Variants in CMSS1 observed in about 807,000 individuals in gnomAD.
The protein encoded by CMSS1 is cms1 ribosomal small subunit homolog.
In CMSS1, 33 loss-of-function variants were observed where a neutral mutation model predicts 43.5. The ratio of observed to expected loss-of-function variants is 0.76; its 90% CI spans 0.57 to 1.01. The LOEUF (loss-of-function observed/expected upper bound fraction) is 1.01. CMSS1 is among the 50% of genes least tolerant of loss of function. The pLI, the probability that CMSS1 is intolerant of heterozygous loss-of-function variation, is 0.00. For missense variants in CMSS1, 313 were observed against 326.4 expected, an observed-to-expected ratio of 0.96 and a Z score of 0.32; for synonymous variants, 115 against 117.2, an observed-to-expected ratio of 0.98 and a Z score of 0.12.
intron 1 of CMSS1, among the ~76,000 whole-genome samples, chr3:99,824,314 T>C (rs150713645): frequency 6.5e-4 from 99 of 152,312 alleles, no homozygotes; most frequent in African/African-American, 2.2e-3. Flanking sequence ...ACTATCTAGG[T>C]GCTCTATTAC....
At chr3:99,892,111 T>C (rs994094269) in intron 1 of CMSS1, among the ~76,000 whole-genome samples, 3 of 152,186 alleles carry the variant, frequency 2.0e-5, no homozygotes, top group Admixed American at 6.5e-5. Flanking sequence ...CTGTGAGAAA[T>C]AGAATATCAC....
chr3:99,962,557 T>TA (rs1324189259), intron 1 of CMSS1, among the ~76,000 whole-genome samples: 1 of 152,204 alleles, frequency 6.6e-6, no homozygotes, highest in Non-Finnish European at 1.5e-5. Context: ...GAAGAGATAA[T>TA]ATTGTTTTAA....
intron 1 of CMSS1, among the ~76,000 whole-genome samples, chr3:100,018,748 A>T (rs1270953956): frequency 1.3e-5 from 2 of 152,142 alleles, no homozygotes; most frequent in African/African-American, 4.8e-5. Flanking sequence ...AAAAAAAAAA[A>T]AAAATCAACA....
intron 1 of CMSS1, among the ~76,000 whole-genome samples, chr3:99,944,771 G>A (rs1477098594): frequency 2.6e-5 from 4 of 152,170 alleles, no homozygotes; most frequent in Non-Finnish European, 5.9e-5. Context: ...AGACATCTCA[G>A]CAATTATGGT....
At chr3:99,978,752 A>G (rs1709038808) in intron 1 of CMSS1, among the ~76,000 whole-genome samples, 2 of 152,166 alleles carry the variant, frequency 1.3e-5, no homozygotes, top group Admixed American at 6.5e-5. Flanking sequence ...AAAATTAACC[A>G]GGCAGGACTG....
chr3:99,917,017 C>T (rs768915810), intron 1 of CMSS1, among the ~76,000 whole-genome samples: 1 of 152,158 alleles, frequency 6.6e-6, no homozygotes, highest in Non-Finnish European at 1.5e-5. Flanking sequence ...TTTAGTGGCT[C>T]TTATTCCTCT....
chr3:100,046,712 A>C (rs1037273661), intron 1 of CMSS1, among the ~76,000 whole-genome samples: 4 of 152,196 alleles, frequency 2.6e-5, no homozygotes, highest in African/African-American at 9.7e-5. Flanking sequence ...CGCTGACAGA[A>C]GTGAGAAAAA....
chr3:100,176,461 G>C, intron 9 of CMSS1, 46 bp downstream of exon 9: 1 of 1,309,774 alleles, frequency 7.6e-7, no homozygotes. Flanking sequence ...TTCTCTATTT[G>C]AACTTGGTTC....
intron 1 of CMSS1, among the ~76,000 whole-genome samples, chr3:99,913,316 C>T (rs1022314701): frequency 6.6e-6 from 1 of 152,216 alleles, no homozygotes; most frequent in African/African-American, 2.4e-5. Context: ...TACATTACTA[C>T]ACAGCAGCAT....
chr3:100,111,178 GT>G lies in CMSS1; in HGVS notation c.65-35794del, dbSNP rs537263750. ...AAGGGCCAGAAGGAAGAACTCTAGG[GT>G]AAGGACCTAGAAGGGCAATGGAGGC... On this transcript the variant is annotated intron_variant, in intron 1 of 9. Transcript: ENST00000421999. 1.4e-3 allele frequency among the ~76,000 whole-genome samples: 215 copies of G among 152,222 alleles called. 1 individual carries two copies. Among genetic ancestry groups the G allele is most frequent in the African/African-American group, 5.1e-3 (210 of 41,554 alleles).
At chr3:99,822,941 A>G (rs1253519762) in intron 1 of CMSS1, among the ~76,000 whole-genome samples, 1 of 152,174 alleles carries the variant, frequency 6.6e-6, no homozygotes, top group Non-Finnish European at 1.5e-5. Context: ...ACTTAATACT[A>G]TTTAATTTAA....
intron 1 of CMSS1, among the ~76,000 whole-genome samples, chr3:99,917,450 A>C (rs1706988958): frequency 6.6e-6 from 1 of 152,208 alleles, no homozygotes; most frequent in Admixed American, 6.5e-5. Flanking sequence ...ATATATTGTC[A>C]GGAGAGCTGG....
intron 1 of CMSS1, among the ~76,000 whole-genome samples, chr3:100,117,858 T>C (rs377247519): frequency 0.26 from 26,404 of 103,048 alleles, 3,439 homozygotes; most frequent in South Asian, 0.33. Context: ...TATATACATA[T>C]ATATATATAT....
At chr3:99,976,919 C>T (rs1559710956) in intron 1 of CMSS1, among the ~76,000 whole-genome samples, 1 of 152,120 alleles carries the variant, frequency 6.6e-6, no homozygotes, top group Non-Finnish European at 1.5e-5. Context: ...TGATGTAGGT[C>T]CAAGGAGAAG....
At chr3:100,137,526 T>C (rs1331246818) in intron 1 of CMSS1, among the ~76,000 whole-genome samples, 1 of 152,022 alleles carries the variant, frequency 6.6e-6, no homozygotes, top group Non-Finnish European at 1.5e-5. Context: ...ACCCCAATAA[T>C]TGATAGATAA....
chr3:99,872,311 G>GTGTGTGTGTGTGTT (rs1944836437), intron 1 of CMSS1, among the ~76,000 whole-genome samples: 1 of 150,144 alleles, frequency 6.7e-6, no homozygotes, highest in Admixed American at 6.6e-5. Context: ...GTGTGTGTGT[G>GTGTGTGTGTGTGTT]TGTGTGTGTG....
chr3:99,987,700 C>T (rs1213304191), intron 1 of CMSS1, among the ~76,000 whole-genome samples: 2 of 152,176 alleles, frequency 1.3e-5, no homozygotes, highest in African/African-American at 2.4e-5. Flanking sequence ...TAGTTTAGCA[C>T]AGTCCCAAGA....
rs142608416 is a variant in CMSS1 at position 99,835,322 on chromosome 3, A to G, written c.64+17279A>G. On this transcript the variant is annotated intron_variant, in intron 1 of 9. Transcript: ENST00000421999. ...TCTTTTTTAGAGTTCACCCAGAGAC[A>G]TTATCTGTTCTTTCCTGTTTTCATG... Among the ~76,000 whole-genome samples the G allele has an allele frequency of 4.3e-3, 659 of 152,276 alleles. 6 individuals are homozygous for G. The highest frequency in any genetic ancestry group is 0.016 in the African/African-American group (646 of 41,542).
chr3:100,092,600 A>C (rs938142700), intron 1 of CMSS1, among the ~76,000 whole-genome samples: 2 of 150,110 alleles, frequency 1.3e-5, no homozygotes, highest in African/African-American at 4.9e-5. Flanking sequence ...GCCACTAGTT[A>C]TGAGGGTTAA....
Sources: gnomAD v4.1 joint callset for allele counts (sites outside exome capture counted in the v4.1 genomes callset) on GRCh38, gnomAD v4.1.1 for gene constraint, MANE v1.5 for transcripts, NCBI Gene and HGNC (gene_info 2026-07-23, HGNC 2026-07-21) for gene names.